The following FMR1 variants were observed in gnomAD, a reference collection of about 807,000 sequenced individuals.
The protein encoded by FMR1 is fragile X messenger ribonucleoprotein 1.
In FMR1, 13 loss-of-function variants were observed where a neutral mutation model predicts 50.6. That is an observed-to-expected ratio of 0.26 (90% confidence interval 0.17 to 0.41). The LOEUF is 0.41. FMR1 is among the 10% of genes least tolerant of loss of function. The probability of loss-of-function intolerance (pLI) is 1.00; values close to 1 mark genes in which losing one functional copy is unlikely to be tolerated. For synonymous variants in FMR1, 138 were observed against 164.1 expected (o/e 0.84, Z 1.22); for missense variants, 316 against 491.3 (o/e 0.64, Z 3.37).
chrX:147,940,517 A>AT, intron 12 of FMR1, 59 bp from the exon 13 acceptor site: 1 of 758,623 alleles, frequency 1.3e-6, no homozygotes. Flanking sequence ...CGTTATTTGC[A>AT]TTTTTCAGAT....
intron 12 of FMR1, among the ~76,000 whole-genome samples, chrX:147,939,423 A>T (rs1001439802): frequency 2.7e-5 from 3 of 111,608 alleles, no homozygotes; most frequent in Admixed American, 1.9e-4. Flanking sequence ...TGAAATGTGT[A>T]TGGGCTTGAT....
rs1387503153 is a variant in FMR1 at position 147,921,791 on chromosome X, A to G, written c.52-142A>G. 3.0e-5 allele frequency: 14 copies of G among 462,339 alleles called. No individual in the cohort carries two copies. The East Asian group carries it at 5.4e-4, about 18-fold the overall frequency. The allele number at this position is 462,339 out of a possible 1,213,427, so 38.1% of individuals were successfully genotyped here. Reference sequence around the variant, plus strand: ...CAATATAGATGTGCTTAATGAATAAAATGATCTTCAAAAACTGACCTTCAT... The same window carrying G: ...CAATATAGATGTGCTTAATGAATAAGATGATCTTCAAAAACTGACCTTCAT... On this transcript the variant is annotated intron_variant, in intron 1 of 16. Coordinates refer to ENST00000370475, the MANE Select transcript of FMR1 (RefSeq NM_002024.6).
At chrX:147,912,818 A>C in intron 1 of FMR1, 1 of 297,530 alleles carries the variant, frequency 3.4e-6, no homozygotes, top group Non-Finnish European at 5.9e-6. Flanking sequence ...TCACAATGGC[A>C]ACTGATTTTT....
chrX:147,932,630 A>C, intron 8 of FMR1, 35 bp downstream of exon 8: 2 of 1,194,201 alleles, frequency 1.7e-6, no homozygotes, highest in South Asian at 3.5e-5. Context: ...TTTTTCCCCA[A>C]ACAAGTATTT....
chrX:147,947,812 A>G (rs2044230430), intron 16 of FMR1, among the ~76,000 whole-genome samples: 1 of 112,056 alleles, frequency 8.9e-6, no homozygotes. Flanking sequence ...TGAAATTACA[A>G]CCATTTGGGG....
chrX:147,927,289 G>A (rs1271288458), intron 3 of FMR1, among the ~76,000 whole-genome samples: 2 of 111,661 alleles, frequency 1.8e-5, no homozygotes, highest in East Asian at 2.8e-4. Flanking sequence ...TTGACAGATC[G>A]GGACCAATGA....
chrX:147,915,089 CTTG>C (rs781985930), intron 1 of FMR1, among the ~76,000 whole-genome samples: 1 of 111,201 alleles, frequency 9.0e-6, no homozygotes, highest in South Asian at 3.7e-4. Context: ...TTTCTGATTC[CTTG>C]TTGTAATATG....
chrX:147,947,654 G>A (rs1603046560), intron 16 of FMR1: 2 of 108,825 alleles, frequency 1.8e-5, no homozygotes, highest in African/African-American at 6.7e-5. Context: ...AGCTTGCAGT[G>A]AGCCAAGATC....
chrX:147,916,609 C>T (rs1238910205), intron 1 of FMR1, among the ~76,000 whole-genome samples: 1 of 109,163 alleles, frequency 9.2e-6, no homozygotes, highest in African/African-American at 3.3e-5. Flanking sequence ...TCCTTTCTTC[C>T]TTTTTTCTTT....
intron 1 of FMR1, chrX:147,912,968 C>T (rs1910971554): frequency 7.2e-6 from 2 of 276,716 alleles, no homozygotes; most frequent in Non-Finnish European, 1.3e-5. Context: ...GGGGTAAATT[C>T]AGGAATGCAC....
At chrX:147,942,813 A>G (rs1557181174) in intron 13 of FMR1, among the ~76,000 whole-genome samples, 4 of 112,525 alleles carry the variant, frequency 3.6e-5, no homozygotes, top group African/African-American at 1.3e-4. Flanking sequence ...TCCCCAAAAT[A>G]GCATATCTGT....
chrX:147,925,650 A>G lies in FMR1; in HGVS notation c.198+17A>G, dbSNP rs3737554. ...GAAGTTGAGGTGAGTTTTCCCTGCC[A>G]TAAAGTCATTTAGCACTGAAAGAGT... On this transcript the variant is annotated intron_variant, in intron 3 of 16. Transcript: ENST00000370475. 112 of 1,046,722 alleles carry G rather than the reference A, an allele frequency of 1.1e-4. 1 individual carries two copies. The East Asian group carries it at 3.3e-3, about 30-fold the overall frequency. The allele number at this position is 1,046,722 out of a possible 1,213,427, so 86.3% of individuals were successfully genotyped here.
At chrX:147,924,513 A>ATT (rs532003086) in intron 2 of FMR1, among the ~76,000 whole-genome samples, 15,419 of 64,899 alleles carry the variant, frequency 0.24, 1,220 homozygotes, top group South Asian at 0.37. Flanking sequence ...ATATATATAT[A>ATT]TATTTTTTTT....
chrX:147,944,593 C>T (rs2044111387), intron 14 of FMR1: 1 of 963,325 alleles, frequency 1.0e-6, no homozygotes, highest in South Asian at 3.2e-5. Context: ...AATGATATGG[C>T]ACATCAAGGT....
chrX:147,944,590 T>C (rs890855530), intron 14 of FMR1: 23 of 964,290 alleles, frequency 2.4e-5, no homozygotes, highest in Middle Eastern at 8.8e-4. Context: ...TTTAATGATA[T>C]GGCACATCAA....
chrX:147,928,401 A>G lies in FMR1; in HGVS notation c.270+8A>G. The G allele has an allele frequency of 8.5e-7, 1 of 1,179,208 alleles. No homozygotes were observed. The highest frequency in any genetic ancestry group is 1.8e-5 in the South Asian group (1 of 55,828). The stretch of plus-strand genomic sequence containing the variant: ...AGGATGATAAAGGGTGAGGTAGGAA[A>G]ATGCCTATTTAAATTTTTTTCTTAT... On this transcript the variant is annotated splice_region_variant and intron_variant, in intron 4 of 16. Transcript: ENST00000370475.
Position 147,950,357 on chromosome X carries a change from C to T in FMR1, c.*1513C>T, listed in dbSNP as rs25722. ...TTAAAAAGTCTTTTAAAAAGTATTG[C>T]CAAACATTAATGTTGATTTCTAGTT... On this transcript the variant is annotated 3_prime_UTR_variant, in exon 17 of 17. Coordinates refer to ENST00000370475, the MANE Select transcript of FMR1 (RefSeq NM_002024.6). The T allele has an allele frequency of 2.6e-4, 85 of 327,326 alleles. No individual in the cohort carries two copies. The highest frequency in any genetic ancestry group is 5.9e-4 in the Admixed American group (19 of 31,935). 27.0% of individuals were successfully genotyped at this position (327,326 alleles called of 1,213,427 possible).
Position 147,932,417 on chromosome X carries a change from C to A in FMR1, c.631-8C>A, listed in dbSNP as rs782428161. Reference sequence around the variant, plus strand: ...AAGTGTATTCATCAGACGTCCATTTCTCTTCAGAGTTCAAGGCAGCTTGCC... The same window carrying A: ...AAGTGTATTCATCAGACGTCCATTTATCTTCAGAGTTCAAGGCAGCTTGCC... On this transcript the variant is annotated splice_polypyrimidine_tract_variant and splice_region_variant and intron_variant, in intron 7 of 16. Coordinates refer to ENST00000370475, the MANE Select transcript of FMR1 (RefSeq NM_002024.6). 8.3e-7 allele frequency: 1 copy of A among 1,207,359 alleles called. No homozygotes were observed.
At chrX:147,925,023 A>G (rs2124489133) in intron 2 of FMR1, 1 of 131,239 alleles carries the variant, frequency 7.6e-6, no homozygotes, top group African/African-American at 3.3e-5. Context: ...AGAATTGACC[A>G]CCTCGTGGGA....
Sources: gnomAD v4.1 joint callset for allele counts (sites outside exome capture counted in the v4.1 genomes callset) on GRCh38, gnomAD v4.1.1 for gene constraint, MANE v1.5 for transcripts, NCBI Gene and HGNC (gene_info 2026-07-23, HGNC 2026-07-21) for gene names.